Variants in IGF2BP2 observed in about 807,000 individuals in gnomAD.
The protein encoded by IGF2BP2 is insulin like growth factor 2 mRNA binding protein 2, also known as insulin-like growth factor 2 mRNA-binding protein 2.
Under a neutral mutation model 75.8 loss-of-function variants are expected in IGF2BP2, and 17 were observed. The observed-to-expected ratio is 0.22, with a 90% CI of 0.15 to 0.34. IGF2BP2 has a LOEUF of 0.34. Ranked by LOEUF, IGF2BP2 falls within the 10% of genes least tolerant of loss-of-function variation. The pLI is 1.00. For synonymous variants in IGF2BP2, 288 were observed against 295.6 expected (o/e 0.97, Z 0.26); for missense variants, 516 against 772.4 (o/e 0.67, Z 3.93).
In IGF2BP2 at chr3:185,658,513, C is replaced by T. The variant is rs990200591; in HGVS notation, c.1201-104G>A. 7 of 909,140 alleles carry T rather than the reference C, an allele frequency of 7.7e-6. No homozygotes were observed. The African/African-American group carries it at 8.2e-5, about 11-fold the overall frequency. The allele number at this position is 909,140 out of a possible 1,614,324, so 56.3% of individuals were successfully genotyped here. ...ATGCGACACAGGCTCTCTGTGGCATCAGCTGGCTCCACTGTCGTGTCTACA... is the reference window on the plus strand; with the variant it reads ...ATGCGACACAGGCTCTCTGTGGCATTAGCTGGCTCCACTGTCGTGTCTACA... On this transcript the variant is annotated intron_variant, in intron 10 of 15. Coordinates refer to ENST00000382199, the MANE Select transcript of IGF2BP2 (RefSeq NM_006548.6).
rs1275700575 is a variant in IGF2BP2, at chr3:185,644,588, CT to C, written c.*942del. On this transcript the variant is annotated 3_prime_UTR_variant, in exon 16 of 16. Transcript: ENST00000382199. ...TGTGATACTCAGAGCACTGCTTTGC[CT>C]GGGGGGGGGGGGGTGCGTAGATACG... The C allele has an allele frequency of 1.1e-4, 3 of 27,498 alleles. No individual in the cohort carries two copies. The highest frequency in any genetic ancestry group is 4.1e-4 in the Admixed American group (1 of 2,448). 1.7% of individuals were successfully genotyped at this position (27,498 alleles called of 1,614,324 possible). A position where few individuals can be genotyped will look rare whatever the true frequency, so the allele number is the denominator to read the frequency against.
intron 2 of IGF2BP2, among the ~76,000 whole-genome samples, chr3:185,745,092 T>C (rs1278726190): frequency 6.6e-6 from 1 of 152,174 alleles, no homozygotes; most frequent in African/African-American, 2.4e-5. Context: ...CTCCCTGCAC[T>C]TGGAGGCCTC....
Position 185,824,765 on chromosome 3 carries a change from G to A in IGF2BP2, c.178+18C>T, listed in dbSNP as rs991962953. On this transcript the variant is annotated intron_variant, in intron 1 of 15. Transcript: ENST00000382199. The stretch of plus-strand genomic sequence containing the variant: ...GAGCGGGGCGAGGCGGGGGGAGGGG[G>A]CCGCGCTGAGTGCTCACCCGAGAGG... 8.3e-5 allele frequency: 109 copies of A among 1,319,842 alleles called. No individual in the cohort carries two copies. Among genetic ancestry groups the A allele is most frequent in the Non-Finnish European group, 1.0e-4 (101 of 1,014,780 alleles). The allele number at this position is 1,319,842 out of a possible 1,614,324, so 81.8% of individuals were successfully genotyped here.
At chr3:185,780,877 T>C (rs544901981) in intron 2 of IGF2BP2, among the ~76,000 whole-genome samples, 2 of 152,308 alleles carry the variant, frequency 1.3e-5, no homozygotes, top group South Asian at 2.1e-4. Flanking sequence ...AACCAGTAAG[T>C]GGCAAAGCTA....
At position 185,668,522 on chromosome 3, in the gene IGF2BP2, T is replaced by C. The variant is rs1157781143; in HGVS notation, c.1200+4019A>G. Among the ~76,000 whole-genome samples the C allele has an allele frequency of 1.4e-5, 2 of 147,568 alleles. 1 individual carries two copies. Among genetic ancestry groups the C allele is most frequent in the African/African-American group, 4.9e-5 (2 of 40,576 alleles). On this transcript the variant is annotated intron_variant, in intron 10 of 15. Transcript: ENST00000382199. ...AGAGAGAGAGAGATATATATATATATATATATATATAGTGTACTACATATA... is the reference window on the plus strand; with the variant it reads ...AGAGAGAGAGAGATATATATATATACATATATATATAGTGTACTACATATA...
chr3:185,808,058 T>C (rs1449966950), intron 2 of IGF2BP2, among the ~76,000 whole-genome samples: 1 of 147,970 alleles, frequency 6.8e-6, no homozygotes, highest in Non-Finnish European at 1.5e-5. Context: ...GGTAGGAGAA[T>C]AGCTTGAGCC....
In IGF2BP2 at chr3:185,747,488, G is replaced by C. The variant is rs575932164; in HGVS notation, c.240-49141C>G. 3.9e-5 allele frequency among the ~76,000 whole-genome samples: 6 copies of C among 152,214 alleles called. No homozygotes were observed. In the South Asian group the frequency reaches 1.2e-3, roughly 32 times the overall value. On this transcript the variant is annotated intron_variant, in intron 2 of 15. Transcript: ENST00000382199. Reference sequence around the variant, plus strand: ...GAGGTCAGAACTTCGAGACAAGCCTGACCAACATGGTAAAACCCCATCTCT... The same window carrying C: ...GAGGTCAGAACTTCGAGACAAGCCTCACCAACATGGTAAAACCCCATCTCT...
chr3:185,776,027 T>C (rs1478517580), intron 2 of IGF2BP2, among the ~76,000 whole-genome samples: 2 of 152,198 alleles, frequency 1.3e-5, no homozygotes, highest in Non-Finnish European at 2.9e-5. Flanking sequence ...GATAATCACT[T>C]GAGCCCAGGA....
At chr3:185,788,557 A>ATG (rs908515443) in intron 2 of IGF2BP2, among the ~76,000 whole-genome samples, 6 of 152,124 alleles carry the variant, frequency 3.9e-5, no homozygotes, top group Admixed American at 3.9e-4. Flanking sequence ...ATGCCTTGAT[A>ATG]TGTTTATTTC....
chr3:185,753,652 T>TC (rs1731230226), intron 2 of IGF2BP2, among the ~76,000 whole-genome samples: 1 of 151,902 alleles, frequency 6.6e-6, no homozygotes, highest in Non-Finnish European at 1.5e-5. Flanking sequence ...CAAACCCACC[T>TC]CCCCCTTCTG....
rs532735722 is a variant in IGF2BP2, at chr3:185,715,398, G to A, written c.240-17051C>T. Among the ~76,000 whole-genome samples the A allele has an allele frequency of 5.3e-5, 8 of 152,238 alleles. No homozygotes were observed. In the South Asian group the frequency reaches 1.2e-3, roughly 24 times the overall value. ...AAACCTTTCACCAAGACTCAGACAC[G>A]AATCATCACGCCCCACACAGAGTCA... On this transcript the variant is annotated intron_variant, in intron 2 of 15. Transcript: ENST00000382199.
At chr3:185,687,953 A>C (rs1721380975) in intron 6 of IGF2BP2, among the ~76,000 whole-genome samples, 1 of 152,042 alleles carries the variant, frequency 6.6e-6, no homozygotes, top group Admixed American at 6.6e-5. Flanking sequence ...GCCACCTTAC[A>C]CAATTTTTGC....
chr3:185,687,292 C>T, intron 6 of IGF2BP2, 101 bp from the exon 7 acceptor site: 2 of 1,268,632 alleles, frequency 1.6e-6, no homozygotes, highest in South Asian at 1.6e-5. Flanking sequence ...AGGACACAGA[C>T]AGACAAGGAG....
intron 1 of IGF2BP2, 152 bp from the exon 2 acceptor site, chr3:185,823,365 C>T: frequency 3.9e-6 from 2 of 507,800 alleles, no homozygotes. Flanking sequence ...AACTTGGTTC[C>T]CAGTAGAAAG....
chr3:185,790,839 C>T (rs1736550642), intron 2 of IGF2BP2, among the ~76,000 whole-genome samples: 1 of 152,124 alleles, frequency 6.6e-6, no homozygotes. Context: ...TACTATAAGA[C>T]TTTATTTGAA....
chr3:185,791,809 C>T (rs190058194), intron 2 of IGF2BP2, among the ~76,000 whole-genome samples: 114 of 152,340 alleles, frequency 7.5e-4, no homozygotes, highest in African/African-American at 2.5e-3. Context: ...TACACAAAAA[C>T]ACATTCTAAC....
At position 185,665,449 on chromosome 3, in the gene IGF2BP2, G is replaced by A. The variant is rs1178950289; in HGVS notation, c.1201-7040C>T. Among the ~76,000 whole-genome samples, 94 of 113,446 alleles carry A rather than the reference G, an allele frequency of 8.3e-4. 1 individual carries two copies. Among genetic ancestry groups the A allele is most frequent in the Middle Eastern group, 5.7e-3 (1 of 174 alleles). 74.4% of individuals were successfully genotyped at this position (113,446 alleles called of 152,430 possible). On this transcript the variant is annotated intron_variant, in intron 10 of 15. Coordinates refer to ENST00000382199, the MANE Select transcript of IGF2BP2 (RefSeq NM_006548.6). ...GAAGGAGGAGGAGGAGAAGGAGGAG[G>A]AGGAGGAGAAGAAGAAGAAGAAGAA...
chr3:185,667,373 G>A (rs994576907), intron 10 of IGF2BP2, among the ~76,000 whole-genome samples: 3 of 152,184 alleles, frequency 2.0e-5, no homozygotes, highest in Non-Finnish European at 4.4e-5. Flanking sequence ...TTATTGAGGA[G>A]GCTGAGGTGG....
intron 12 of IGF2BP2, among the ~76,000 whole-genome samples, chr3:185,656,811 G>C (rs1715511543): frequency 6.6e-6 from 1 of 152,196 alleles, no homozygotes; most frequent in Non-Finnish European, 1.5e-5. Flanking sequence ...CTATGCTCAG[G>C]CTGGGTTGCA....
Sources: allele counts gnomAD v4.1 joint callset (sites outside exome capture counted in the v4.1 genomes callset), GRCh38; gene constraint gnomAD v4.1.1; transcripts MANE v1.5; gene names NCBI Gene and HGNC (gene_info 2026-07-23, HGNC 2026-07-21).